Variants in MEMO1 observed in about 807,000 individuals in gnomAD.
MEMO1 encodes protein MEMO1.
MEMO1 carries 6 observed loss-of-function variants against 45.2 expected under a neutral mutation model. That is an observed-to-expected ratio of 0.13 (90% CI 0.07 to 0.26). MEMO1 has a LOEUF of 0.26. Ranked by LOEUF, MEMO1 falls within the 10% of genes least tolerant of loss-of-function variation. The pLI, the probability that MEMO1 is intolerant of heterozygous loss-of-function variation, is 1.00. For missense variants in MEMO1, 184 were observed against 370.5 expected (o/e 0.50, Z 4.13); for synonymous variants, 78 against 124.3 (o/e 0.63, Z 2.48).
At chr2:32,003,535 C>T (rs1673669672) in intron 2 of MEMO1, among the ~76,000 whole-genome samples, 1 of 152,108 alleles carries the variant, frequency 6.6e-6, no homozygotes, top group South Asian at 2.1e-4. Flanking sequence ...TATATGTTTA[C>T]TTCAACAAAA....
At chr2:31,883,298 T>TGA in intron 8 of MEMO1, 88 bp downstream of exon 8, 1 of 921,716 alleles carries the variant, frequency 1.1e-6, no homozygotes, top group Non-Finnish European at 1.6e-6. Context: ...AAAAAATATA[T>TGA]TATTTCAACA....
At chr2:31,995,217 C>T (rs757990974) in intron 2 of MEMO1, among the ~76,000 whole-genome samples, 7 of 151,908 alleles carry the variant, frequency 4.6e-5, no homozygotes, top group Non-Finnish European at 8.8e-5. Flanking sequence ...TTTGGGAGGC[C>T]GAGGCGGGTG....
intron 3 of MEMO1, among the ~76,000 whole-genome samples, chr2:31,938,802 T>C (rs1665252162): frequency 6.9e-6 from 1 of 144,652 alleles, no homozygotes. Flanking sequence ...TTTTTTTTTT[T>C]TGAGACAGGG....
intron 6 of MEMO1, among the ~76,000 whole-genome samples, chr2:31,893,647 G>A (rs745690729): frequency 1.3e-5 from 2 of 152,116 alleles, no homozygotes; most frequent in Non-Finnish European, 2.9e-5. Flanking sequence ...CAGAGCATAG[G>A]TAAGTTCCCG....
At chr2:31,890,643 G>C (rs1291062582) in intron 7 of MEMO1, among the ~76,000 whole-genome samples, 2 of 152,032 alleles carry the variant, frequency 1.3e-5, no homozygotes, top group Non-Finnish European at 2.9e-5. Flanking sequence ...AGCTTCTCTG[G>C]GGGGTTGGAA....
intron 2 of MEMO1, among the ~76,000 whole-genome samples, chr2:31,969,996 G>C (rs1352729498): frequency 6.7e-6 from 1 of 149,996 alleles, no homozygotes; most frequent in Non-Finnish European, 1.5e-5. Context: ...GACGGGGACA[G>C]AATCTTGCTC....
intron 6 of MEMO1, among the ~76,000 whole-genome samples, chr2:31,903,638 A>G (rs532661581): frequency 8.5e-4 from 130 of 152,318 alleles, no homozygotes; most frequent in Middle Eastern, 3.4e-3. Flanking sequence ...TCTTGCTGAT[A>G]GGAGATATGG....
rs146453260 is a variant in MEMO1 at position 31,984,412 on chromosome 2, T to C, written c.61+25775A>G. Among the ~76,000 whole-genome samples, 101 of 152,212 alleles carry C rather than the reference T, an allele frequency of 6.6e-4. 1 individual carries two copies. Among genetic ancestry groups the C allele is most frequent in the Non-Finnish European group, 1.0e-3 (71 of 68,006 alleles). ...CAGTGTCTCAAAACTGTCTTGGTCA[T>C]GAAAAACAAAGAAAAATTAACAATT... On this transcript the variant is annotated intron_variant, in intron 2 of 9. Coordinates refer to ENST00000404530, the MANE Select transcript of MEMO1 (RefSeq NM_001301833.4).
intron 2 of MEMO1, among the ~76,000 whole-genome samples, chr2:31,992,310 T>C (rs1366379832): frequency 6.6e-6 from 1 of 152,298 alleles, no homozygotes; most frequent in African/African-American, 2.4e-5. Flanking sequence ...GCTTTCACAA[T>C]ACAAGGGCAG....
At chr2:31,945,646 C>A (rs981714508) in intron 2 of MEMO1, among the ~76,000 whole-genome samples, 1 of 152,180 alleles carries the variant, frequency 6.6e-6, no homozygotes, top group Non-Finnish European at 1.5e-5. Context: ...TTCTCAAGAA[C>A]CTTATAACCA....
chr2:31,881,080 T>C (rs1675289436), intron 8 of MEMO1, among the ~76,000 whole-genome samples: 2 of 151,858 alleles, frequency 1.3e-5, no homozygotes, highest in South Asian at 4.2e-4. Flanking sequence ...ATGACTACCA[T>C]GGCACTTCAA....
intron 6 of MEMO1, among the ~76,000 whole-genome samples, chr2:31,899,252 G>C (rs765395552): frequency 6.6e-6 from 1 of 152,100 alleles, no homozygotes; most frequent in Non-Finnish European, 1.5e-5. Context: ...AAAGAACAAA[G>C]CTGGAAGCAT....
rs142355023 is a variant in MEMO1 at position 31,925,805 on chromosome 2, A to G, written c.213-4895T>C. ...CCTATTTTTTAACCTTACTCACACTAAGTTTAAAAGGGAGTTCCTAATTTC... is the reference window on the plus strand; with the variant it reads ...CCTATTTTTTAACCTTACTCACACTGAGTTTAAAAGGGAGTTCCTAATTTC... On this transcript the variant is annotated intron_variant, in intron 4 of 9. Transcript: ENST00000404530. Among the ~76,000 whole-genome samples, 15 of 152,226 alleles carry G rather than the reference A, an allele frequency of 9.9e-5. No homozygotes were observed. The East Asian group carries it at 2.9e-3, about 29-fold the overall frequency.
At chr2:31,963,213 T>G (rs1668230000) in intron 2 of MEMO1, 3 of 1,548,248 alleles carry the variant, frequency 1.9e-6, no homozygotes, top group Non-Finnish European at 2.6e-6. Context: ...CTGCACATCT[T>G]GGCACTTGTC....
chr2:31,988,615 G>A (rs1045947974), intron 2 of MEMO1, among the ~76,000 whole-genome samples: 2 of 152,162 alleles, frequency 1.3e-5, no homozygotes, highest in Non-Finnish European at 1.5e-5. Context: ...CAGTAGCACC[G>A]AACTACAGTA....
chr2:31,982,462 C>T (rs910642871), intron 2 of MEMO1, among the ~76,000 whole-genome samples: 9 of 141,180 alleles, frequency 6.4e-5, no homozygotes, highest in African/African-American at 1.1e-4. Flanking sequence ...TGGAGGTGAA[C>T]GCCTGTAATC....
intron 2 of MEMO1, among the ~76,000 whole-genome samples, chr2:32,004,926 C>CA (rs770361983): frequency 0.028 from 3,083 of 108,180 alleles, 89 homozygotes; most frequent in African/African-American, 0.083. Context: ...GACCCCGTTT[C>CA]AAAAAAAAAA....
intron 2 of MEMO1, among the ~76,000 whole-genome samples, chr2:31,990,453 T>C (rs1338730077): frequency 6.6e-6 from 1 of 152,088 alleles, no homozygotes; most frequent in African/African-American, 2.4e-5. Flanking sequence ...GGGGTGTTTT[T>C]GGTTTTTTCT....
chr2:31,963,088 G>A, intron 2 of MEMO1: 1 of 1,390,936 alleles, frequency 7.2e-7, no homozygotes, highest in Non-Finnish European at 9.5e-7. Flanking sequence ...CCTAAGTCTT[G>A]AGTCAACCAA....
Sources: gnomAD v4.1 joint callset for allele counts (sites outside exome capture counted in the v4.1 genomes callset) on GRCh38, gnomAD v4.1.1 for gene constraint, MANE v1.5 for transcripts, NCBI Gene and HGNC (gene_info 2026-07-23, HGNC 2026-07-21) for gene names.